TOMM20L: variants seen among roughly 807,000 people sequenced by gnomAD.
TOMM20L encodes TOMM20-like protein 1.
In TOMM20L, 19 loss-of-function variants were observed where a neutral mutation model predicts 20.4. The observed-to-expected ratio is 0.93, with a 90% CI of 0.65 to 1.36. TOMM20L has a LOEUF of 1.36. TOMM20L is among the 40% of genes most tolerant of loss of function. The pLI, the probability that TOMM20L is intolerant of heterozygous loss-of-function variation, is 0.00. For synonymous variants in TOMM20L, 75 were observed against 79.6 expected, an observed-to-expected ratio of 0.94 and a Z score of 0.30; for missense variants, 218 against 203.7, an observed-to-expected ratio of 1.07 and a Z score of -0.43.
At chr14:58,416,999 T>C in the TOMM20L span, among the ~76,000 whole-genome samples, 2 of 152,234 alleles carry the variant, frequency 1.3e-5, no homozygotes, top group East Asian at 3.9e-4. Context: ...TGGGAGGTAA[T>C]TGAATCATGG....
intron 2 of TOMM20L, chr14:58,398,579 C>G (rs1160219731): frequency 1.3e-5 from 2 of 152,034 alleles, no homozygotes; most frequent in East Asian, 3.9e-4. Flanking sequence ...TTAAATAAGA[C>G]AATTCTGGTT....
chr14:58,414,139 ATTTAG>A, the TOMM20L span, among the ~76,000 whole-genome samples: 3 of 150,642 alleles, frequency 2.0e-5, no homozygotes, highest in African/African-American at 7.3e-5. Context: ...TATACATTTT[ATTTAG>A]TTAAGAGTTT....
chr14:58,396,415 C>T (rs1036510908), intron 2 of TOMM20L, 74 bp downstream of exon 2: 45 of 1,553,608 alleles, frequency 2.9e-5, no homozygotes, highest in Non-Finnish European at 3.9e-5. Flanking sequence ...TGGCTCCTGG[C>T]GGGCTCGGCA....
rs1594998921 is a variant in TOMM20L at position 58,404,158 on chromosome 14, C to T, written c.262+1397C>T. 5.2e-5 allele frequency among the ~76,000 whole-genome samples: 3 copies of T among 57,574 alleles called. No individual in the cohort carries two copies. In the South Asian group the frequency reaches 2.4e-3, roughly 47 times the overall value. The allele number at this position is 57,574 out of a possible 152,430, so 37.8% of individuals were successfully genotyped here. On this transcript the variant is annotated intron_variant, in intron 3 of 4. Coordinates refer to ENST00000360945, the MANE Select transcript of TOMM20L (RefSeq NM_207377.3). ...TTTTTTTTTTTTTTGGAGACGGAGT[C>T]TCGCTCTGTCGCCCAGGCTGGAGTG... is the stretch of plus-strand genomic sequence containing the variant.
At chr14:58,416,736 A>G in the TOMM20L span, among the ~76,000 whole-genome samples, 1 of 152,236 alleles carries the variant, frequency 6.6e-6, no homozygotes, top group East Asian at 1.9e-4. Flanking sequence ...TTGAACTGGT[A>G]ATATGCTGAC....
chr14:58,404,017 G>T (rs1378648783), intron 3 of TOMM20L, among the ~76,000 whole-genome samples: 1 of 133,162 alleles, frequency 7.5e-6, no homozygotes, highest in Non-Finnish European at 1.6e-5. Flanking sequence ...TTGTCTTGAG[G>T]TTTCTTAATT....
chr14:58,397,074 A>G (rs765028471), intron 2 of TOMM20L, among the ~76,000 whole-genome samples: 2 of 152,234 alleles, frequency 1.3e-5, no homozygotes, highest in African/African-American at 2.4e-5. Context: ...ATAAAAAAAG[A>G]AAGAGACAAG....
downstream of TOMM20L, chr14:58,411,019 AT>A: frequency 1.1e-6 from 1 of 940,520 alleles, no homozygotes; most frequent in Non-Finnish European, 1.7e-6. Flanking sequence ...GGTATTTTAT[AT>A]TTAGACAAAA....
chr14:58,410,584 T>C (rs1475498446), downstream of TOMM20L, among the ~76,000 whole-genome samples: 2 of 152,210 alleles, frequency 1.3e-5, no homozygotes, highest in Non-Finnish European at 2.9e-5. Context: ...GTAAGAATCT[T>C]TGTTGTGAAA....
intron 3 of TOMM20L, among the ~76,000 whole-genome samples, chr14:58,404,705 TTTTAA>T (rs1378421797): frequency 1.3e-5 from 2 of 152,168 alleles, no homozygotes; most frequent in Admixed American, 1.3e-4. Context: ...GTAATTTGTA[TTTTAA>T]TTTTTCATTT....
chr14:58,408,520 A>G lies in TOMM20L; in HGVS notation c.406-9A>G. 3 of 1,613,444 alleles carry G rather than the reference A, an allele frequency of 1.9e-6. No individual in the cohort carries two copies. The highest frequency in any genetic ancestry group is 2.5e-6 in the Non-Finnish European group (3 of 1,179,626). ...TGATTAGCAAGTAACTATTTTATGT[A>G]TTCACCAGCAATTTGAGGCAGACAT... On this transcript the variant is annotated splice_polypyrimidine_tract_variant and intron_variant, in intron 4 of 4. Transcript: ENST00000360945.
At chr14:58,400,576 T>G (rs1034382468) in intron 2 of TOMM20L, among the ~76,000 whole-genome samples, 3 of 152,122 alleles carry the variant, frequency 2.0e-5, no homozygotes, top group Non-Finnish European at 4.4e-5. Context: ...ATGGTAATAT[T>G]GTTGCTACAT....
chr14:58,397,076 A>G (rs1169281853), intron 2 of TOMM20L, among the ~76,000 whole-genome samples: 1 of 152,216 alleles, frequency 6.6e-6, no homozygotes, highest in Non-Finnish European at 1.5e-5. Flanking sequence ...AAAAAAAGAA[A>G]GAGACAAGGG....
At chr14:58,404,120 T>TATATACATATATATATATA (rs1255379682) in intron 3 of TOMM20L, among the ~76,000 whole-genome samples, 2 of 3,392 alleles carry the variant, frequency 5.9e-4, no homozygotes, top group South Asian at 0.029. Context: ...TATATATATA[T>TATATACATATATATATATA]TTTTTTTTTT....
chr14:58,408,630 T>G lies in TOMM20L; in HGVS notation c.*48T>G. 1.4e-5 allele frequency: 22 copies of G among 1,528,828 alleles called. No individual in the cohort carries two copies. The highest frequency in any genetic ancestry group is 1.9e-5 in the Non-Finnish European group (21 of 1,113,032). 94.7% of individuals were successfully genotyped at this position (1,528,828 alleles called of 1,614,324 possible). On this transcript the variant is annotated 3_prime_UTR_variant, in exon 5 of 5. Transcript: ENST00000360945. ...GTCCAGTGAGAATACTATGGTACCA[T>G]ACAGTATAAACAACTGCTCAGTGAT...
downstream of TOMM20L, among the ~76,000 whole-genome samples, chr14:58,411,423 G>A (rs1488607104): frequency 6.6e-6 from 1 of 151,610 alleles, no homozygotes; most frequent in African/African-American, 2.4e-5. Flanking sequence ...ACTCCAGCCT[G>A]GCCGACAAAG....
the TOMM20L span, among the ~76,000 whole-genome samples, chr14:58,414,399 C>T: frequency 1.3e-5 from 2 of 152,198 alleles, no homozygotes; most frequent in Non-Finnish European, 2.9e-5. Flanking sequence ...TTCCACCAGT[C>T]TCAACCATAC....
intron 2 of TOMM20L, among the ~76,000 whole-genome samples, chr14:58,401,548 C>G (rs959938505): frequency 7.0e-6 from 1 of 142,764 alleles, no homozygotes; most frequent in Non-Finnish European, 1.5e-5. Context: ...CCAGCCTGGG[C>G]GACAGAGCAA....
chr14:58,415,111 A>G, the TOMM20L span, among the ~76,000 whole-genome samples: 1 of 152,186 alleles, frequency 6.6e-6, no homozygotes, highest in African/African-American at 2.4e-5. Flanking sequence ...TGCCTACTCC[A>G]CCTAGCAGTA....
Sources: gnomAD v4.1 joint callset for allele counts (sites outside exome capture counted in the v4.1 genomes callset) on GRCh38, gnomAD v4.1.1 for gene constraint, MANE v1.5 for transcripts, NCBI Gene and HGNC (gene_info 2026-07-23, HGNC 2026-07-21) for gene names.